The following PHTF1 variants were observed in gnomAD, a reference collection of about 807,000 sequenced individuals.
PHTF1 encodes the protein putative homeodomain transcription factor 1, also known as protein PHTF1.
A neutral mutation model predicts 102.4 loss-of-function variants in PHTF1; 88 were observed. The observed-to-expected ratio is 0.86, with a 90% CI of 0.72 to 1.03. The LOEUF is 1.03. Ranked by LOEUF, PHTF1 falls within the 50% of genes least tolerant of loss-of-function variation. The probability of loss-of-function intolerance (pLI) is 0.00; values close to 1 mark genes in which losing one functional copy is unlikely to be tolerated. For synonymous variants in PHTF1, 289 were observed against 305.2 expected, an observed-to-expected ratio of 0.95 and a Z score of 0.55; for missense variants, 814 against 909.5, an observed-to-expected ratio of 0.89 and a Z score of 1.35.
intron 11 of PHTF1, among the ~76,000 whole-genome samples, chr1:113,708,531 G>A (rs1180153800): frequency 1.3e-5 from 2 of 152,144 alleles, no homozygotes; most frequent in African/African-American, 4.8e-5. Flanking sequence ...TACTCAGGAG[G>A]CTGAGGCAGG....
intron 3 of PHTF1, among the ~76,000 whole-genome samples, chr1:113,750,805 C>T (rs909719971): frequency 5.3e-5 from 8 of 149,568 alleles, no homozygotes; most frequent in African/African-American, 2.0e-4. Context: ...GCTGTGAGCA[C>T]TGCACTCCAG....
At chr1:113,727,708 T>C (rs1443169985) in intron 5 of PHTF1, among the ~76,000 whole-genome samples, 14 of 152,214 alleles carry the variant, frequency 9.2e-5, no homozygotes, top group Admixed American at 8.5e-4. Context: ...GGCTCACACC[T>C]GTAATCCCAG....
intron 15 of PHTF1, 85 bp downstream of exon 15, chr1:113,703,996 A>C: frequency 1.3e-6 from 1 of 786,262 alleles, no homozygotes; most frequent in Non-Finnish European, 2.1e-6. Context: ...ATACATACTT[A>C]AGGACAGTGA....
At chr1:113,754,896 T>C (rs1557979461) in intron 3 of PHTF1, among the ~76,000 whole-genome samples, 3 of 152,108 alleles carry the variant, frequency 2.0e-5, no homozygotes, top group South Asian at 4.1e-4. Context: ...TCTCCAATCA[T>C]ATTGGGCTAC....
At chr1:113,747,947 T>A (rs1211803472) in intron 3 of PHTF1, among the ~76,000 whole-genome samples, 4 of 152,200 alleles carry the variant, frequency 2.6e-5, no homozygotes, top group Non-Finnish European at 5.9e-5. Context: ...CATGATAATG[T>A]TTCTCAGTGC....
intron 15 of PHTF1, among the ~76,000 whole-genome samples, chr1:113,701,826 TAAAAAAAA>T (rs34844793): frequency 0.2 from 5,629 of 27,632 alleles, 253 homozygotes; most frequent in East Asian, 0.35. Context: ...CAATTCCTGG[TAAAAAAAA>T]AAAAAAAAAA....
intron 7 of PHTF1, among the ~76,000 whole-genome samples, chr1:113,722,335 A>C (rs980567358): frequency 1.3e-5 from 2 of 151,906 alleles, no homozygotes; most frequent in Non-Finnish European, 2.9e-5. Context: ...GCTCCTCTGG[A>C]GGCTGAGGCA....
In PHTF1 at chr1:113,700,797, T is replaced by C. The variant is rs556643314; in HGVS notation, c.2043A>G (p.Glu681=). The C allele has an allele frequency of 1.2e-6, 2 of 1,613,718 alleles. No homozygotes were observed. The highest frequency in any genetic ancestry group is 1.7e-6 in the Non-Finnish European group (2 of 1,179,698). ...AATTGACAGGACTGATCAATACCTG[T>C]TCTGTAAGTAATATTGAAACATTGC... ...KYSNVSILLT[E]QINLYLKMEK... Residue 681 remains glutamate (E), a synonymous_variant, in exon 16 of 19, where the codon GAA becomes GAG. Transcript: ENST00000369604.
At chr1:113,703,934 T>G (rs1329462570) in intron 15 of PHTF1, 147 bp downstream of exon 15, 7 of 512,062 alleles carry the variant, frequency 1.4e-5, no homozygotes, top group African/African-American at 3.8e-5. Flanking sequence ...TTTTGAAAAG[T>G]TAGAAAAATT....
intron 3 of PHTF1, among the ~76,000 whole-genome samples, chr1:113,750,726 T>C (rs1657941880): frequency 6.6e-6 from 1 of 151,400 alleles, no homozygotes; most frequent in South Asian, 2.1e-4. Flanking sequence ...CATGGTGGCG[T>C]GCGCCTGTAA....
chr1:113,756,927 G>A (rs942439091), intron 3 of PHTF1, among the ~76,000 whole-genome samples: 12 of 152,148 alleles, frequency 7.9e-5, no homozygotes, highest in Admixed American at 7.2e-4. Flanking sequence ...CAGCACTTTG[G>A]GAGTCGGAGG....
intron 7 of PHTF1, chr1:113,715,245 C>T (rs1216615485): frequency 1.3e-5 from 2 of 152,302 alleles, no homozygotes; most frequent in Non-Finnish European, 2.9e-5. Context: ...CACTAATGAA[C>T]ATCCACAAGC....
chr1:113,752,256 T>C (rs1658192752), intron 3 of PHTF1, among the ~76,000 whole-genome samples: 1 of 152,116 alleles, frequency 6.6e-6, no homozygotes, highest in Admixed American at 6.5e-5. Flanking sequence ...TTTTATTCTT[T>C]GTTGCTATTA....
chr1:113,720,633 C>G (rs1179107721), intron 7 of PHTF1, among the ~76,000 whole-genome samples: 1 of 152,164 alleles, frequency 6.6e-6, no homozygotes, highest in African/African-American at 2.4e-5. Context: ...CTTTCATGGG[C>G]TGGTGTTGAG....
At position 113,706,572 on chromosome 1, in the gene PHTF1, C is replaced by A. The variant is rs370828663; in HGVS notation, c.1398+22G>T. ...TCACTTCGTATATTTTTTGAAAAATCTGAAAACATATTCAGTCTTACCCTG... is the reference window on the plus strand; with the variant it reads ...TCACTTCGTATATTTTTTGAAAAATATGAAAACATATTCAGTCTTACCCTG... On this transcript the variant is annotated intron_variant, in intron 12 of 18. Coordinates refer to ENST00000369604, the MANE Select transcript of PHTF1 (RefSeq NM_001323043.2). 44 of 1,556,784 alleles carry A rather than the reference C, an allele frequency of 2.8e-5. 1 individual carries two copies. The highest frequency in any genetic ancestry group is 2.3e-4 in the South Asian group (18 of 79,910).
intron 3 of PHTF1, among the ~76,000 whole-genome samples, chr1:113,747,834 G>C (rs981203689): frequency 2.0e-5 from 3 of 152,098 alleles, no homozygotes; most frequent in African/African-American, 7.2e-5. Flanking sequence ...TGCTGCTGAG[G>C]GGCAGTATCT....
chr1:113,728,703 G>A (rs1654197750), intron 5 of PHTF1, among the ~76,000 whole-genome samples: 1 of 152,174 alleles, frequency 6.6e-6, no homozygotes, highest in Non-Finnish European at 1.5e-5. Flanking sequence ...GAGGTGAGAA[G>A]TTCAAGACCA....
At chr1:113,733,778 GC>G (rs1655061749) in intron 5 of PHTF1, among the ~76,000 whole-genome samples, 1 of 152,240 alleles carries the variant, frequency 6.6e-6, no homozygotes, top group African/African-American at 2.4e-5. Flanking sequence ...TGTTGTATCA[GC>G]CCAAGTGGCA....
At chr1:113,759,879 G>C (rs570795135), upstream of PHTF1, among the ~76,000 whole-genome samples, 47 of 152,316 alleles carry the variant, frequency 3.1e-4, no homozygotes, top group African/African-American at 1.1e-3. Flanking sequence ...CTGGCACTTA[G>C]GTTCCCAATG....
Sources: gnomAD v4.1 joint callset for allele counts (sites outside exome capture counted in the v4.1 genomes callset) on GRCh38, gnomAD v4.1.1 for gene constraint, MANE v1.5 for transcripts, NCBI Gene and HGNC (gene_info 2026-07-23, HGNC 2026-07-21) for gene names.